The following GCG variants were observed in gnomAD, a reference collection of about 807,000 sequenced individuals.
GCG encodes glucagon, also known as pro-glucagon.
A neutral mutation model predicts 22.8 loss-of-function variants in GCG; 11 were observed. The ratio of observed to expected loss-of-function variants is 0.48; its 90% CI spans 0.30 to 0.80. The LOEUF is 0.80. GCG is among the 30% of genes least tolerant of loss of function. The pLI is 0.06. For synonymous variants in GCG, 89 were observed against 72.4 expected, an observed-to-expected ratio of 1.23 and a Z score of -1.16; for missense variants, 222 against 222.0, an observed-to-expected ratio of 1.00 and a Z score of 0.00.
intron 2 of GCG, 110 bp downstream of exon 2, chr2:162,148,977 T>A: frequency 3.0e-6 from 2 of 672,874 alleles, no homozygotes; most frequent in Non-Finnish European, 5.2e-6. Context: ...ATTTGATCAT[T>A]GTGCAGAATA....
chr2:162,149,264 A>T (rs1686774389), intron 1 of GCG, 77 bp from the exon 2 acceptor site: 1 of 761,814 alleles, frequency 1.3e-6, no homozygotes, highest in Non-Finnish European at 2.3e-6. Context: ...AATTAATTAG[A>T]TTTGACTAGA....
rs747188071 is a variant in GCG, at chr2:162,147,478, A to G, written c.129T>C (p.Asp43=). The change falls in exon 3 of 6, where the codon GAT becomes GAC. Residue 43 remains aspartate (D), a synonymous_variant. Transcript: ENST00000418842. ...GCTTGTCCTCGTTCATCTGATCAGG[A>G]TCACTGAGTGGGTCTGCCTGGGAAG... The part of the protein sequence containing the change: ...FSASQADPLS[D]PDQMNEDKRH... The G allele has an allele frequency of 6.2e-7, 1 of 1,613,218 alleles. No individual in the cohort carries two copies. The highest frequency in any genetic ancestry group is 1.1e-5 in the South Asian group (1 of 91,068).
intron 4 of GCG, chr2:162,145,143 G>GT (rs137862900): frequency 0.049 from 7,522 of 153,730 alleles, 627 homozygotes; most frequent in African/African-American, 0.17. Flanking sequence ...AATATTATAT[G>GT]TTTTCTTTAC....
chr2:162,149,020 A>G, intron 2 of GCG, 67 bp downstream of exon 2: 1 of 903,770 alleles, frequency 1.1e-6, no homozygotes, highest in Non-Finnish European at 1.8e-6. Flanking sequence ...TTATTCACTA[A>G]TCATAGTTTT....
chr2:162,145,170 G>A (rs1041459918), intron 4 of GCG: 10 of 161,484 alleles, frequency 6.2e-5, no homozygotes, highest in African/African-American at 2.4e-4. Context: ...GAAGTTTTCA[G>A]CACTGTTTCT....
In GCG at chr2:162,144,107, A is replaced by G. The variant is rs199990516; in HGVS notation, c.456T>C (p.Ser152=). The change falls in exon 5 of 6, where the codon TCT becomes TCC. Residue 152 remains serine, a synonymous_variant. Transcript: ENST00000418842. ...TATCAAGAATGGTGTTCATCTCATC[A>G]GAGAAAGAACCATCAGCATGTCTGC... ...LGRRHADGSF[S]DEMNTILDNL... 4 of 1,612,332 alleles carry G rather than the reference A, an allele frequency of 2.5e-6. No homozygotes were observed. In the African/African-American group the frequency reaches 5.3e-5, roughly 22 times the overall value.
chr2:162,145,880 G>T (rs990319308), intron 3 of GCG, among the ~76,000 whole-genome samples: 1 of 152,038 alleles, frequency 6.6e-6, no homozygotes, highest in Non-Finnish European at 1.5e-5. Flanking sequence ...ATAACAATCG[G>T]TGGGCTAAAG....
chr2:162,144,028 T>C lies in GCG; in HGVS notation c.535A>G (p.Arg179Gly). 1 of 1,612,228 alleles carries C rather than the reference T, an allele frequency of 6.2e-7. No homozygotes were observed. Among genetic ancestry groups the C allele is most frequent in the Non-Finnish European group, 8.5e-7 (1 of 1,178,566 alleles). Residue 179 changes from arginine (R) to glycine (G), a missense_variant and splice_region_variant, in exon 5 of 6, where the codon AGG (arginine) becomes GGG (glycine). Transcript: ENST00000418842. ...CAGAATTAACTAAAAAGCAGTCACC[T>C]GTCAGTGATTTTGGTCTGAATCAAC... ...NWLIQTKITD[R>G]K
At chr2:162,143,771 A>G (rs1686613235) in intron 5 of GCG, 5 of 497,428 alleles carry the variant, frequency 1.0e-5, no homozygotes, top group South Asian at 5.1e-5. Flanking sequence ...TTTCATTTCT[A>G]TCTGTGTTTC....
intron 3 of GCG, among the ~76,000 whole-genome samples, chr2:162,146,480 T>C (rs899816872): frequency 1.3e-5 from 2 of 151,954 alleles, no homozygotes; most frequent in African/African-American, 4.8e-5. Flanking sequence ...GGCTGTACCC[T>C]CTACTTTAAG....
At chr2:162,147,116 G>A (rs1686707193) in intron 3 of GCG, among the ~76,000 whole-genome samples, 1 of 152,088 alleles carries the variant, frequency 6.6e-6, no homozygotes, top group Admixed American at 6.6e-5. Context: ...CTACCACTGG[G>A]AAAATAATTT....
chr2:162,146,622 T>A (rs957789992), intron 3 of GCG, among the ~76,000 whole-genome samples: 2 of 151,662 alleles, frequency 1.3e-5, no homozygotes, highest in African/African-American at 4.8e-5. Flanking sequence ...CAGACAAATC[T>A]ATGTCCTTTT....
chr2:162,147,619 A>G (rs2106196674), intron 2 of GCG, 105 bp from the exon 3 acceptor site: 1 of 946,236 alleles, frequency 1.1e-6, no homozygotes, highest in African/African-American at 1.6e-5. Flanking sequence ...ACAGTAAGGC[A>G]GGCATCTAGA....
chr2:162,145,109 G>A (rs1686649205), intron 4 of GCG: 1 of 152,096 alleles, frequency 6.6e-6, no homozygotes, highest in African/African-American at 2.4e-5. Flanking sequence ...GATCACATAT[G>A]TAAATGTTTA....
At chr2:162,148,568 T>C (rs781701840) in intron 2 of GCG, among the ~76,000 whole-genome samples, 3 of 152,090 alleles carry the variant, frequency 2.0e-5, no homozygotes, top group African/African-American at 4.8e-5. Context: ...AGCCAAGAGA[T>C]ATTTATGTAC....
In GCG at chr2:162,149,248, A is replaced by G. The variant is rs1021596824; in HGVS notation, c.-9-61T>C. The G allele has an allele frequency of 1.0e-5, 9 of 886,914 alleles. No individual in the cohort carries two copies. In the African/African-American group the frequency reaches 1.3e-4, roughly 13 times the overall value. The allele number at this position is 886,914 out of a possible 1,614,324, so 54.9% of individuals were successfully genotyped here. ...GCAGGCAAGGATTTTTAAACATGTCAGGCTAAATTAATTAGATTTGACTAG... is the reference window on the plus strand; with the variant it reads ...GCAGGCAAGGATTTTTAAACATGTCGGGCTAAATTAATTAGATTTGACTAG... On this transcript the variant is annotated intron_variant, in intron 1 of 5. Coordinates refer to ENST00000418842, the MANE Select transcript of GCG (RefSeq NM_002054.5).
intron 1 of GCG, among the ~76,000 whole-genome samples, chr2:162,151,635 C>G (rs2106199095): frequency 6.6e-6 from 1 of 152,180 alleles, no homozygotes; most frequent in East Asian, 1.9e-4. Flanking sequence ...CTTTAATGGA[C>G]TTTGATTTTT....
At chr2:162,150,571 T>A (rs1044011742) in intron 1 of GCG, among the ~76,000 whole-genome samples, 9 of 152,166 alleles carry the variant, frequency 5.9e-5, no homozygotes, top group African/African-American at 2.2e-4. Context: ...CATTTTGCTA[T>A]GCTTCAGTTT....
chr2:162,149,181 C>A lies in GCG; in HGVS notation c.-3G>T. 6.2e-7 allele frequency: 1 copy of A among 1,605,234 alleles called. No individual in the cohort carries two copies. The highest frequency in any genetic ancestry group is 8.5e-7 in the Non-Finnish European group (1 of 1,172,832). ...GCCACAAAGTAAATGCTTTTCATTT[C>A]TGCTGTCTGTCAGAACACAGAATGG... On this transcript the variant is annotated 5_prime_UTR_variant, in exon 2 of 6. Coordinates refer to ENST00000418842, the MANE Select transcript of GCG (RefSeq NM_002054.5).
Sources: allele counts gnomAD v4.1 joint callset (sites outside exome capture counted in the v4.1 genomes callset), GRCh38; gene constraint gnomAD v4.1.1; transcripts MANE v1.5; gene names NCBI Gene and HGNC (gene_info 2026-07-23, HGNC 2026-07-21).